The following CNTNAP2 variants were observed in gnomAD, a reference collection of about 807,000 sequenced individuals.
CNTNAP2 encodes the protein contactin-associated protein-like 2.
Under a neutral mutation model 155.2 loss-of-function variants are expected in CNTNAP2, and 98 were observed. That is an observed-to-expected ratio of 0.63 (90% CI 0.54 to 0.75). The LOEUF (loss-of-function observed/expected upper bound fraction) is 0.75. CNTNAP2 is among the 30% of genes least tolerant of loss of function. CNTNAP2 has a pLI of 0.00. For missense variants in CNTNAP2, 1,727 were observed against 1,688.1 expected, an observed-to-expected ratio of 1.02 and a Z score of -0.40; for synonymous variants, 651 against 631.2, an observed-to-expected ratio of 1.03 and a Z score of -0.47.
At chr7:147,952,716 C>T (rs1436175586) in intron 14 of CNTNAP2, among the ~76,000 whole-genome samples, 3 of 152,100 alleles carry the variant, frequency 2.0e-5, no homozygotes, top group Non-Finnish European at 4.4e-5. Flanking sequence ...ACAGACACGT[C>T]ACATGCAGGT....
At chr7:148,223,310 T>C (rs1478632384) in intron 19 of CNTNAP2, among the ~76,000 whole-genome samples, 1 of 152,198 alleles carries the variant, frequency 6.6e-6, no homozygotes, top group Non-Finnish European at 1.5e-5. Context: ...TGTATTGTTA[T>C]CTGTCTCTGT....
chr7:147,054,456 T>C (rs1799524655), intron 4 of CNTNAP2, among the ~76,000 whole-genome samples: 1 of 152,174 alleles, frequency 6.6e-6, no homozygotes, highest in South Asian at 2.1e-4. Flanking sequence ...TATATATATG[T>C]TAATTTTTAT....
chr7:147,578,613 A>G (rs1438338442), intron 12 of CNTNAP2, among the ~76,000 whole-genome samples: 1 of 152,162 alleles, frequency 6.6e-6, no homozygotes, highest in Admixed American at 6.6e-5. Flanking sequence ...TTTATTAAGT[A>G]TATTCCTAGA....
chr7:148,019,732 C>T (rs939247863), intron 15 of CNTNAP2, among the ~76,000 whole-genome samples: 6 of 151,810 alleles, frequency 4.0e-5, no homozygotes, highest in Non-Finnish European at 7.4e-5. Context: ...GCTGGGGTTA[C>T]AGGTGTGAGC....
At position 148,222,861 on chromosome 7, in the gene CNTNAP2, C is replaced by T. The variant is rs187933003; in HGVS notation, c.3247+5337C>T. On this transcript the variant is annotated intron_variant, in intron 19 of 23. Transcript: ENST00000361727. ...GAGATGGTGGCCTGTAGAGCTGGAC[C>T]GTCTGGGTTTGAGGTCGGCTTTGCC... Among the ~76,000 whole-genome samples the T allele has an allele frequency of 2.7e-3, 408 of 152,270 alleles. 2 individuals carry two copies. The highest frequency in any genetic ancestry group is 3.4e-3 in the Non-Finnish European group (232 of 68,026).
chr7:147,414,825 C>A (rs1797162430), intron 10 of CNTNAP2, among the ~76,000 whole-genome samples: 1 of 151,064 alleles, frequency 6.6e-6, no homozygotes. Flanking sequence ...CCTGTAGTCC[C>A]AGCTACGCGG....
chr7:146,815,515 A>T (rs931205148), intron 2 of CNTNAP2, among the ~76,000 whole-genome samples: 3 of 152,118 alleles, frequency 2.0e-5, no homozygotes, highest in Non-Finnish European at 4.4e-5. Flanking sequence ...TATATACATG[A>T]ATACATGTGA....
intron 10 of CNTNAP2, among the ~76,000 whole-genome samples, chr7:147,463,639 G>A (rs10276608): frequency 0.78 from 118,815 of 152,038 alleles, 46,798 homozygotes; most frequent in African/African-American, 0.88. Flanking sequence ...CAGTAACATA[G>A]ATCTCTTTTC....
intron 1 of CNTNAP2, among the ~76,000 whole-genome samples, chr7:146,414,794 G>A (rs1335614994): frequency 3.3e-5 from 5 of 152,120 alleles, no homozygotes; most frequent in African/African-American, 9.7e-5. Flanking sequence ...GAAAACACTT[G>A]CCAAGTATCT....
At chr7:146,525,941 A>T (rs1797686139) in intron 1 of CNTNAP2, among the ~76,000 whole-genome samples, 1 of 152,174 alleles carries the variant, frequency 6.6e-6, no homozygotes, top group African/African-American at 2.4e-5. Flanking sequence ...GGAGCCACAC[A>T]GTGGATTAGA....
chr7:146,880,188 C>T (rs1795515339), intron 3 of CNTNAP2, among the ~76,000 whole-genome samples: 1 of 152,176 alleles, frequency 6.6e-6, no homozygotes, highest in Non-Finnish European at 1.5e-5. Context: ...CACAAATTCA[C>T]ATGTTGAAAG....
At chr7:147,036,087 C>G (rs1417328632) in intron 3 of CNTNAP2, among the ~76,000 whole-genome samples, 1 of 152,150 alleles carries the variant, frequency 6.6e-6, no homozygotes, top group East Asian at 1.9e-4. Flanking sequence ...CATGGGCTGG[C>G]AAACTGTAGC....
At chr7:148,412,013 G>A (rs958912974) in intron 23 of CNTNAP2, among the ~76,000 whole-genome samples, 9 of 151,976 alleles carry the variant, frequency 5.9e-5, no homozygotes, top group African/African-American at 1.5e-4. Context: ...GCGCGATCTC[G>A]GCTCATGCAA....
chr7:147,193,965 T>A (rs1032243111), intron 8 of CNTNAP2, among the ~76,000 whole-genome samples: 2 of 151,740 alleles, frequency 1.3e-5, no homozygotes, highest in Non-Finnish European at 2.9e-5. Context: ...TTTTTTTTCT[T>A]CTAAAAAAAA....
chr7:146,913,572 A>C (rs1796333753), intron 3 of CNTNAP2, among the ~76,000 whole-genome samples: 2 of 151,962 alleles, frequency 1.3e-5, no homozygotes, highest in African/African-American at 4.8e-5. Context: ...CGGCAAGGAG[A>C]CTGCCAACTT....
chr7:146,348,755 G>A lies in CNTNAP2; in HGVS notation c.97+231782G>A, dbSNP rs571729268. Reference sequence around the variant, plus strand: ...TTAACAGATTTCGATATCTTGTCTCGTTAACACCAAACAATGGGTGTTAAG... The same window carrying A: ...TTAACAGATTTCGATATCTTGTCTCATTAACACCAAACAATGGGTGTTAAG... On this transcript the variant is annotated intron_variant, in intron 1 of 23. Transcript: ENST00000361727. Among the ~76,000 whole-genome samples the A allele has an allele frequency of 7.3e-5, 11 of 150,046 alleles. No homozygotes were observed. The South Asian group carries it at 1.5e-3, about 20-fold the overall frequency.
At chr7:146,474,982 C>T (rs1796852890) in intron 1 of CNTNAP2, among the ~76,000 whole-genome samples, 1 of 150,312 alleles carries the variant, frequency 6.7e-6, no homozygotes. Context: ...GAAACATATG[C>T]CTGAGCACGA....
chr7:146,668,354 C>T (rs1458686124), intron 1 of CNTNAP2, among the ~76,000 whole-genome samples: 1 of 151,262 alleles, frequency 6.6e-6, no homozygotes, highest in Admixed American at 6.6e-5. Context: ...GTGATCTGTG[C>T]TGGATTTAGC....
intron 14 of CNTNAP2, among the ~76,000 whole-genome samples, chr7:147,941,217 G>A (rs947830368): frequency 6.6e-6 from 1 of 152,156 alleles, no homozygotes; most frequent in African/African-American, 2.4e-5. Flanking sequence ...GGCATCTCAG[G>A]GGTGTAAGAG....
Sources: allele counts gnomAD v4.1 joint callset (sites outside exome capture counted in the v4.1 genomes callset), GRCh38; gene constraint gnomAD v4.1.1; transcripts MANE v1.5; gene names NCBI Gene and HGNC (gene_info 2026-07-23, HGNC 2026-07-21).